The following PCDH15 variants were observed in gnomAD, a reference collection of about 807,000 sequenced individuals.
PCDH15 encodes the protein protocadherin related 15, also known as protocadherin-15.
Under a neutral mutation model 178.5 loss-of-function variants are expected in PCDH15, and 129 were observed. The ratio of observed to expected loss-of-function variants is 0.72; its 90% CI spans 0.63 to 0.84. The LOEUF is 0.84. Ranked by LOEUF, PCDH15 falls within the 40% of genes least tolerant of loss-of-function variation. PCDH15 has a pLI of 0.00. For synonymous variants in PCDH15, 800 were observed against 732.0 expected (o/e 1.09, Z -1.50); for missense variants, 2,230 against 2,099.9 (o/e 1.06, Z -1.21).
At chr10:54,528,276 G>T (rs1293282055) in intron 2 of PCDH15, 7 of 1,009,354 alleles carry the variant, frequency 6.9e-6, no homozygotes, top group Non-Finnish European at 1.1e-5. Context: ...GTGATAAAGG[G>T]TCTAATTAGA....
chr10:54,886,473 A>C (rs531246432), intron 3 of PCDH15, among the ~76,000 whole-genome samples: 7 of 152,220 alleles, frequency 4.6e-5, no homozygotes, highest in African/African-American at 1.7e-4. Flanking sequence ...AGAATGATCT[A>C]GTTATTGTTC....
chr10:55,086,876 T>C (rs1015232366), intron 2 of PCDH15, among the ~76,000 whole-genome samples: 2 of 152,048 alleles, frequency 1.3e-5, no homozygotes, highest in Non-Finnish European at 2.9e-5. Context: ...CTGTTTGTGG[T>C]TGTGTATAAG....
At chr10:55,332,331 AG>A (rs1250979871) in intron 2 of PCDH15, among the ~76,000 whole-genome samples, 6 of 152,294 alleles carry the variant, frequency 3.9e-5, no homozygotes, top group East Asian at 1.9e-4. Context: ...TTAAACCAAA[AG>A]CCAGATATCA....
At chr10:54,255,349 C>T (rs771726881) in intron 8 of PCDH15, among the ~76,000 whole-genome samples, 6 of 152,150 alleles carry the variant, frequency 3.9e-5, no homozygotes, top group Non-Finnish European at 8.8e-5. Context: ...CTTTGCATTG[C>T]ATTTTCATTT....
intron 2 of PCDH15, among the ~76,000 whole-genome samples, chr10:54,963,333 G>A (rs1039404195): frequency 4.2e-5 from 3 of 70,744 alleles, no homozygotes; most frequent in African/African-American, 2.2e-4. Flanking sequence ...GACATAAAAT[G>A]TGTTTTTTTT....
intron 29 of PCDH15, among the ~76,000 whole-genome samples, chr10:53,839,596 G>A (rs540005156): frequency 6.6e-6 from 1 of 151,928 alleles, no homozygotes; most frequent in East Asian, 1.9e-4. Flanking sequence ...AACTAAAAAT[G>A]TTTCATTGAG....
At chr10:54,111,929 C>A (rs1484047604) in intron 15 of PCDH15, among the ~76,000 whole-genome samples, 1 of 149,584 alleles carries the variant, frequency 6.7e-6, no homozygotes, top group Non-Finnish European at 1.5e-5. Flanking sequence ...GAGTTCAAGA[C>A]CATCCTGCCC....
intron 18 of PCDH15, among the ~76,000 whole-genome samples, chr10:54,044,781 A>C (rs1034638952): frequency 2.6e-5 from 4 of 152,270 alleles, no homozygotes; most frequent in Admixed American, 2.0e-4. Flanking sequence ...AAACATCAAA[A>C]TCAGGTAAAC....
At chr10:54,855,099 G>A (rs1315986058) in intron 3 of PCDH15, among the ~76,000 whole-genome samples, 2 of 152,216 alleles carry the variant, frequency 1.3e-5, no homozygotes, top group African/African-American at 4.8e-5. Flanking sequence ...ACACACCCGG[G>A]CTCGGGCCTG....
intron 1 of PCDH15, among the ~76,000 whole-genome samples, chr10:55,191,307 G>C (rs980744914): frequency 1.3e-5 from 2 of 151,668 alleles, no homozygotes; most frequent in South Asian, 2.1e-4. Flanking sequence ...AGTTTTTCAG[G>C]TACAGCATAG....
intron 2 of PCDH15, among the ~76,000 whole-genome samples, chr10:55,455,658 AT>A (rs1839534400): frequency 6.6e-6 from 1 of 152,174 alleles, no homozygotes; most frequent in African/African-American, 2.4e-5. Flanking sequence ...CAACATAAGA[AT>A]AACATACTCT....
chr10:53,979,311 C>T (rs557269329), intron 21 of PCDH15, among the ~76,000 whole-genome samples: 2 of 152,228 alleles, frequency 1.3e-5, no homozygotes, highest in Non-Finnish European at 2.9e-5. Context: ...GGAAAAATCC[C>T]TTATAAAACC....
chr10:55,564,170 A>G (rs750444552), intron 2 of PCDH15, among the ~76,000 whole-genome samples: 1 of 151,710 alleles, frequency 6.6e-6, no homozygotes, highest in Non-Finnish European at 1.5e-5. Flanking sequence ...CATAATAGAG[A>G]ATACTAATAT....
intron 2 of PCDH15, among the ~76,000 whole-genome samples, chr10:54,549,172 G>GTT (rs1181545167): frequency 6.6e-6 from 1 of 151,108 alleles, no homozygotes; most frequent in African/African-American, 2.4e-5. Context: ...GATACTTTAT[G>GTT]TTTTTTATTA....
At chr10:54,375,459 T>C (rs1288249022) in intron 4 of PCDH15, among the ~76,000 whole-genome samples, 10 of 152,030 alleles carry the variant, frequency 6.6e-5, no homozygotes. Context: ...TCCATAAAAG[T>C]AAATTATTTT....
intron 1 of PCDH15, among the ~76,000 whole-genome samples, chr10:54,756,097 A>ACACACACACACACACACAC (rs1555182911): frequency 1.4e-5 from 2 of 144,510 alleles, no homozygotes; most frequent in South Asian, 2.2e-4. Context: ...ACACACACAC[A>ACACACACACACACACACAC]AAATTAGCTG....
At position 55,172,206 on chromosome 10, in the gene PCDH15, C is replaced by T. The variant is rs758703841; in HGVS notation, c.-155-5555G>A. ...TAAAAATGTCAGTATTAATAGGGAACCTTGACTGACAAAAATGAACACCTA... is the reference window on the plus strand; with the variant it reads ...TAAAAATGTCAGTATTAATAGGGAATCTTGACTGACAAAAATGAACACCTA... On this transcript the variant is annotated intron_variant, in intron 1 of 5. Coordinates refer to the PCDH15 transcript ENST00000458638. Among the ~76,000 whole-genome samples, 4 of 151,888 alleles carry T rather than the reference C, an allele frequency of 2.6e-5. No homozygotes were observed. The East Asian group carries it at 7.7e-4, about 29-fold the overall frequency.
chr10:54,922,345 T>C (rs948596649), intron 2 of PCDH15, among the ~76,000 whole-genome samples: 1 of 152,120 alleles, frequency 6.6e-6, no homozygotes, highest in African/African-American at 2.4e-5. Context: ...AGGCATTGGG[T>C]AAATGCTCCT....
rs763801873 is a variant in PCDH15 at position 55,184,605 on chromosome 10, C to T, written c.-155-17954G>A. Among the ~76,000 whole-genome samples the T allele has an allele frequency of 3.1e-4, 47 of 152,024 alleles. 1 individual carries two copies. The highest frequency in any genetic ancestry group is 3.4e-3 in the Middle Eastern group (1 of 294). On this transcript the variant is annotated intron_variant, in intron 1 of 5. Coordinates refer to the PCDH15 transcript ENST00000458638. Reference sequence around the variant, plus strand: ...AAAGTGGAAGAAAAAGACAAAATTGCTCAAGAAGCAATACCATCAATTTTA... The same window carrying T: ...AAAGTGGAAGAAAAAGACAAAATTGTTCAAGAAGCAATACCATCAATTTTA...
Sources: allele counts gnomAD v4.1 joint callset (sites outside exome capture counted in the v4.1 genomes callset), GRCh38; gene constraint gnomAD v4.1.1; transcripts MANE v1.5; gene names NCBI Gene and HGNC (gene_info 2026-07-23, HGNC 2026-07-21).